Variants in PLXNA4 observed in about 807,000 individuals in gnomAD.
PLXNA4 encodes the protein plexin-A4.
PLXNA4 carries 44 observed loss-of-function variants against 191.8 expected under a neutral mutation model. The observed-to-expected ratio is 0.23, with a 90% confidence interval of 0.18 to 0.29. The LOEUF (loss-of-function observed/expected upper bound fraction) is 0.29, where lower values mean the gene tolerates loss of function less well. PLXNA4 is among the 10% of genes least tolerant of loss of function. PLXNA4 has a pLI of 1.00. For synonymous variants in PLXNA4, 1,082 were observed against 1,009.5 expected (o/e 1.07, Z -1.36); for missense variants, 1,800 against 2,488.8 (o/e 0.72, Z 5.89).
rs1803468038 is a variant in PLXNA4, at chr7:132,351,131, C to T, written c.1372-52909G>A. 2.6e-5 allele frequency among the ~76,000 whole-genome samples: 4 copies of T among 152,158 alleles called. No individual in the cohort carries two copies. In the South Asian group the frequency reaches 8.3e-4, roughly 31 times the overall value. On this transcript the variant is annotated intron_variant, in intron 3 of 31. Transcript: ENST00000321063. ...TTAGTGGCTACCTAGGGCTGGGGGC[C>T]ATGTGGAGCTGGAGAGGGTGATGGC...
chr7:132,627,059 G>A (rs1179880194), intron 2 of PLXNA4, among the ~76,000 whole-genome samples: 5 of 152,104 alleles, frequency 3.3e-5, no homozygotes, highest in African/African-American at 9.7e-5. Context: ...TCCCACCTCT[G>A]AATATCTACA....
intron 22 of PLXNA4, among the ~76,000 whole-genome samples, chr7:132,167,344 G>T (rs531815115): frequency 6.6e-6 from 1 of 152,198 alleles, no homozygotes; most frequent in South Asian, 2.1e-4. Flanking sequence ...TGGACTCTGG[G>T]CCCATTTACA....
At chr7:132,183,156 G>T (rs1339164969) in intron 16 of PLXNA4, among the ~76,000 whole-genome samples, 2 of 152,158 alleles carry the variant, frequency 1.3e-5, no homozygotes, top group Non-Finnish European at 2.9e-5. Flanking sequence ...CTATCCATCT[G>T]CCTGTCTTTA....
Position 132,294,469 on chromosome 7 carries a change from C to A in PLXNA4, c.1503+3622G>T, listed in dbSNP as rs139742362. 1.6e-4 allele frequency among the ~76,000 whole-genome samples: 25 copies of A among 152,184 alleles called. No homozygotes were observed. In the East Asian group the frequency reaches 4.1e-3, roughly 25 times the overall value. ...ACTTTGGTCATTGAAAGGATTTAAA[C>A]GGAGGAATGACACTATCTAACTCAA... On this transcript the variant is annotated intron_variant, in intron 4 of 31. Coordinates refer to ENST00000321063, the MANE Select transcript of PLXNA4 (RefSeq NM_020911.2).
rs60359571 is a variant in PLXNA4, at chr7:132,327,169, C to CAAA, written c.1372-28950_1372-28948dup. ...AAAGGAAAGAGGGAGAAAAGGAAGGCAAAAAAAAAAGAAAAAAGAAAGGGA... is the reference window on the plus strand; with the variant it reads ...AAAGGAAAGAGGGAGAAAAGGAAGGCAAAAAAAAAAAAAGAAAAAAGAAAGGGA... On this transcript the variant is annotated intron_variant, in intron 3 of 31. Transcript: ENST00000321063. Among the ~76,000 whole-genome samples the CAAA allele has an allele frequency of 2.0e-3, 245 of 124,528 alleles. 8 individuals are homozygous for CAAA. Among genetic ancestry groups the CAAA allele is most frequent in the African/African-American group, 4.8e-3 (169 of 34,902 alleles). The allele number at this position is 124,528 out of a possible 152,430, so 81.7% of individuals were successfully genotyped here.
chr7:132,417,879 T>C (rs920873882), intron 3 of PLXNA4, among the ~76,000 whole-genome samples: 40 of 152,292 alleles, frequency 2.6e-4, no homozygotes, highest in African/African-American at 8.9e-4. Context: ...GGGCCCCCTA[T>C]CTACCTCCTT....
chr7:132,589,504 CTAGCTTT>C (rs1403436797), intron 2 of PLXNA4, among the ~76,000 whole-genome samples: 2 of 152,162 alleles, frequency 1.3e-5, no homozygotes, highest in African/African-American at 4.8e-5. Flanking sequence ...TCTGATTATT[CTAGCTTT>C]TAGTATCCCC....
chr7:132,566,062 T>C (rs759197102), intron 1 of PLXNA4, among the ~76,000 whole-genome samples: 13 of 152,240 alleles, frequency 8.5e-5, no homozygotes, highest in Middle Eastern at 3.2e-3. Flanking sequence ...AACAGTTTAA[T>C]GCTGATAGAA....
intron 3 of PLXNA4, among the ~76,000 whole-genome samples, chr7:132,406,109 A>G (rs1794209307): frequency 6.6e-6 from 1 of 152,174 alleles, no homozygotes; most frequent in Non-Finnish European, 1.5e-5. Context: ...TCAGAGTCCA[A>G]GTGTCTCCAG....
chr7:132,525,051 C>T (rs1799345756), intron 1 of PLXNA4, among the ~76,000 whole-genome samples: 1 of 152,066 alleles, frequency 6.6e-6, no homozygotes, highest in African/African-American at 2.4e-5. Flanking sequence ...AACCCTGTAC[C>T]CATCAAATAC....
At chr7:132,370,997 G>A (rs894512975) in intron 3 of PLXNA4, among the ~76,000 whole-genome samples, 1 of 152,198 alleles carries the variant, frequency 6.6e-6, no homozygotes, top group African/African-American at 2.4e-5. Flanking sequence ...GGCCATGCTG[G>A]TGGGCAGAGG....
chr7:132,336,175 T>C (rs1450864115), intron 3 of PLXNA4, among the ~76,000 whole-genome samples: 1 of 152,222 alleles, frequency 6.6e-6, no homozygotes, highest in African/African-American at 2.4e-5. Flanking sequence ...AGTATTCTAG[T>C]CCACACCAAC....
intron 4 of PLXNA4, among the ~76,000 whole-genome samples, chr7:132,264,536 C>A (rs1295507370): frequency 1.3e-5 from 2 of 152,206 alleles, no homozygotes; most frequent in East Asian, 3.9e-4. Context: ...GCTTTTGTGG[C>A]CCCTCTGCTA....
At chr7:132,445,415 A>T (rs918829918) in intron 3 of PLXNA4, among the ~76,000 whole-genome samples, 1 of 150,994 alleles carries the variant, frequency 6.6e-6, no homozygotes, top group Non-Finnish European at 1.5e-5. Flanking sequence ...GCATCCACTC[A>T]TCTGACCATC....
At chr7:132,454,313 C>T (rs1435049474) in intron 3 of PLXNA4, among the ~76,000 whole-genome samples, 1 of 152,194 alleles carries the variant, frequency 6.6e-6, no homozygotes, top group Non-Finnish European at 1.5e-5. Flanking sequence ...CTTGTTCCTG[C>T]TTCTGCATTG....
At chr7:132,533,124 A>T (rs2116449287) in intron 1 of PLXNA4, among the ~76,000 whole-genome samples, 1 of 152,318 alleles carries the variant, frequency 6.6e-6, no homozygotes, top group South Asian at 2.1e-4. Flanking sequence ...TCTACTTTGC[A>T]CTTGCCATAA....
At chr7:132,470,333 C>T (rs1309059167) in intron 3 of PLXNA4, among the ~76,000 whole-genome samples, 1 of 152,168 alleles carries the variant, frequency 6.6e-6, no homozygotes, top group Admixed American at 6.5e-5. Context: ...GGAATGATGG[C>T]AAAGTTTGGT....
intron 12 of PLXNA4, among the ~76,000 whole-genome samples, chr7:132,200,483 T>C (rs895213993): frequency 6.6e-6 from 1 of 152,162 alleles, no homozygotes; most frequent in Admixed American, 6.5e-5. Context: ...ATTCTGCAAA[T>C]ATTTCCTCCA....
At chr7:132,470,507 C>T (rs1426488) in intron 3 of PLXNA4, among the ~76,000 whole-genome samples, 2,088 of 152,262 alleles carry the variant, frequency 0.014, 47 homozygotes, top group African/African-American at 0.048. Flanking sequence ...TAGAATCATG[C>T]CCCCTCCCCA....
Sources: allele counts gnomAD v4.1 joint callset (sites outside exome capture counted in the v4.1 genomes callset), GRCh38; gene constraint gnomAD v4.1.1; transcripts MANE v1.5; gene names NCBI Gene and HGNC (gene_info 2026-07-23, HGNC 2026-07-21).